The following RHEX variants were observed in gnomAD, a reference collection of about 807,000 sequenced individuals.
RHEX encodes the protein regulator of hemoglobinization and erythroid cell expansion protein.
In RHEX, 18 loss-of-function variants were observed where a neutral mutation model predicts 20.1. That is an observed-to-expected ratio of 0.90 (90% CI 0.62 to 1.33). The LOEUF (loss-of-function observed/expected upper bound fraction) is 1.33. Among genes scored for constraint, RHEX ranks in the 40% most tolerant of loss-of-function variants. RHEX has a pLI of 0.00. For synonymous variants in RHEX, 87 were observed against 77.1 expected, an observed-to-expected ratio of 1.13 and a Z score of -0.67; for missense variants, 192 against 214.3, an observed-to-expected ratio of 0.90 and a Z score of 0.65.
intron 1 of RHEX, among the ~76,000 whole-genome samples, chr1:206,086,624 GT>G (rs1277103795): frequency 6.6e-6 from 1 of 152,158 alleles, no homozygotes; most frequent in African/African-American, 2.4e-5. Flanking sequence ...ACCTCATAAG[GT>G]TGTTATTCTG....
At chr1:206,072,458 C>A (rs1268902258) in intron 1 of RHEX, among the ~76,000 whole-genome samples, 3 of 152,140 alleles carry the variant, frequency 2.0e-5, no homozygotes, top group African/African-American at 7.2e-5. Flanking sequence ...AGCCTGTAAT[C>A]CTAGCTACTC....
chr1:206,098,218 C>T (rs1663116924), intron 3 of RHEX, 37 bp downstream of exon 3: 6 of 1,418,748 alleles, frequency 4.2e-6, no homozygotes, highest in African/African-American at 2.8e-5. Flanking sequence ...CCTAGTCACT[C>T]TCAGAGACCA....
intron 1 of RHEX, among the ~76,000 whole-genome samples, chr1:206,074,811 C>A (rs1349009669): frequency 3.3e-5 from 5 of 152,202 alleles, no homozygotes; most frequent in African/African-American, 9.6e-5. Context: ...AAAATGTAGG[C>A]ACAGAGCACA....
At chr1:206,074,963 A>T (rs1662603343) in intron 1 of RHEX, among the ~76,000 whole-genome samples, 1 of 152,224 alleles carries the variant, frequency 6.6e-6, no homozygotes, top group Admixed American at 6.5e-5. Context: ...TTAATGGCCC[A>T]TTCCCACAAT....
chr1:206,054,816 CATT>C (rs1319415538), intron 1 of RHEX, among the ~76,000 whole-genome samples: 4 of 152,176 alleles, frequency 2.6e-5, no homozygotes, highest in South Asian at 2.1e-4. Context: ...ATACAAGAAA[CATT>C]ATTAAATATA....
At chr1:206,097,890 T>C in intron 2 of RHEX, 51 bp downstream of exon 2, 1 of 1,384,516 alleles carries the variant, frequency 7.2e-7, no homozygotes, top group Non-Finnish European at 1.0e-6. Flanking sequence ...AGCTAACTGG[T>C]GTAGCTGTCT....
chr1:206,087,050 A>G (rs782488284), intron 1 of RHEX, among the ~76,000 whole-genome samples: 16 of 152,182 alleles, frequency 1.1e-4, no homozygotes, highest in Non-Finnish European at 2.2e-4. Context: ...TCCCCATTTT[A>G]CAGATATAAC....
intron 1 of RHEX, among the ~76,000 whole-genome samples, chr1:206,093,358 G>A (rs1662997412): frequency 6.6e-6 from 1 of 150,872 alleles, no homozygotes; most frequent in Non-Finnish European, 1.5e-5. Flanking sequence ...TGCAACCTCC[G>A]CTTCCTGGGT....
At position 206,101,002 on chromosome 1, in the gene RHEX, A is replaced by AC. The variant is rs571225895; in HGVS notation, c.257-127dup. ...TGGGGTCTCTGTATCTCTCTTCCCTACCCCCCCTTTTTGTTGCTGGCTCTG... is the reference window on the plus strand; with the variant it reads ...TGGGGTCTCTGTATCTCTCTTCCCTACCCCCCCCTTTTTGTTGCTGGCTCTG... On this transcript the variant is annotated intron_variant, in intron 4 of 5. Coordinates refer to ENST00000331555, the MANE Select transcript of RHEX (RefSeq NM_001007544.4). The AC allele has an allele frequency of 8.9e-4, 540 of 606,600 alleles. 1 individual carries two copies. The East Asian group carries it at 0.013, about 14-fold the overall frequency. The allele number at this position is 606,600 out of a possible 1,614,324, so 37.6% of individuals were successfully genotyped here.
In RHEX at chr1:206,067,671, C is replaced by T. The variant is rs1197586118; in HGVS notation, c.-97+14406C>T. ...TCCTGTTCCCAAATACCTCACTCCA[C>T]ACATAGCCCCAACAGCACAACCTCA... On this transcript the variant is annotated intron_variant, in intron 1 of 5. Transcript: ENST00000331555. This position sits in a 1 kb window ranked among gnomAD's most constrained non-coding sequence, Gnocchi z 4.6. Among the ~76,000 whole-genome samples the T allele has an allele frequency of 6.6e-6, 1 of 152,180 alleles. No homozygotes were observed. Among genetic ancestry groups the T allele is most frequent in the African/African-American group, 2.4e-5 (1 of 41,432 alleles).
intron 1 of RHEX, among the ~76,000 whole-genome samples, chr1:206,054,115 A>G (rs1258835282): frequency 7.1e-6 from 1 of 141,242 alleles, no homozygotes; most frequent in Non-Finnish European, 1.5e-5. Flanking sequence ...AAAAAAAGGA[A>G]TGGTTATCTT....
intron 1 of RHEX, among the ~76,000 whole-genome samples, chr1:206,084,688 A>G (rs551092420): frequency 5.3e-5 from 8 of 152,314 alleles, no homozygotes; most frequent in African/African-American, 1.9e-4. Flanking sequence ...AAACTACCCA[A>G]TTAAATGCCT....
intron 4 of RHEX, among the ~76,000 whole-genome samples, chr1:206,100,670 G>A (rs1553288273): frequency 6.6e-6 from 1 of 152,154 alleles, no homozygotes; most frequent in East Asian, 1.9e-4. Context: ...TGGGGGTGAC[G>A]AAAACCAGGG....
At position 206,099,658 on chromosome 1, in the gene RHEX, A is replaced by T. The variant is rs781965895; in HGVS notation, c.116A>T (p.His39Leu). 3 of 1,613,800 alleles carry T rather than the reference A, an allele frequency of 1.9e-6. No homozygotes were observed. The East Asian group carries it at 6.7e-5, about 36-fold the overall frequency. Reference protein sequence around the residue: ...INYLLSRHMAHKSEQILKAAS... With the variant: ...INYLLSRHMALKSEQILKAAS... The stretch of plus-strand genomic sequence containing the variant: ...ATCCCTGCCCTCTCCCTTCCAGCCC[A>T]CAAGAGTGAACAGATACTGAAAGCG... The change falls in exon 4 of 6, where the codon CAC becomes CTC. Residue 39 changes from histidine to leucine, a missense_variant. His to Leu is a moderately conservative substitution (Grantham distance 99). Coordinates refer to ENST00000331555, the MANE Select transcript of RHEX (RefSeq NM_001007544.4).
intron 1 of RHEX, among the ~76,000 whole-genome samples, chr1:206,073,234 C>T (rs1662568282): frequency 6.6e-6 from 1 of 152,094 alleles, no homozygotes; most frequent in African/African-American, 2.4e-5. Flanking sequence ...GCCCTTTGCC[C>T]TCTCACTCTA....
rs1553288321 is a variant in RHEX at position 206,101,116 on chromosome 1, C to T, written c.257-20C>T. The T allele has an allele frequency of 1.2e-6, 2 of 1,606,460 alleles. No homozygotes were observed. Among genetic ancestry groups the T allele is most frequent in the African/African-American group, 1.3e-5 (1 of 74,642 alleles). The stretch of plus-strand genomic sequence containing the variant: ...CCTCTGGCTTGCTTTGGAAGAGGAA[C>T]CGTTTCTATTTCTCCCCAGATGACA... On this transcript the variant is annotated intron_variant, in intron 4 of 5. Transcript: ENST00000331555.
chr1:206,092,070 CT>C (rs1662961981), intron 1 of RHEX, among the ~76,000 whole-genome samples: 1 of 151,442 alleles, frequency 6.6e-6, no homozygotes, highest in Non-Finnish European at 1.5e-5. Context: ...CTCTTTCTCT[CT>C]CTTTCTTTCT....
At chr1:206,054,570 AT>A (rs1662150288) in intron 1 of RHEX, among the ~76,000 whole-genome samples, 1 of 152,270 alleles carries the variant, frequency 6.6e-6, no homozygotes, top group Non-Finnish European at 1.5e-5. Context: ...AAAAGGTATC[AT>A]CCAGTTTTTC....
At chr1:206,093,499 G>A (rs977722728) in intron 1 of RHEX, among the ~76,000 whole-genome samples, 5 of 152,088 alleles carry the variant, frequency 3.3e-5, no homozygotes, top group African/African-American at 4.8e-5. Context: ...TTGAACTCCC[G>A]ACCTCATGAT....
Sources: gnomAD v4.1 joint callset for allele counts (sites outside exome capture counted in the v4.1 genomes callset) on GRCh38, gnomAD v4.1.1 for gene constraint, Gnocchi (gnomAD v3.1) non-coding constraint, MANE v1.5 for transcripts, NCBI Gene and HGNC (gene_info 2026-07-23, HGNC 2026-07-21) for gene names.